The following ACAD9 variants were observed in gnomAD, a reference collection of about 807,000 sequenced individuals.
The protein encoded by ACAD9 is acyl-CoA dehydrogenase family member 9.
Under a neutral mutation model 70.2 loss-of-function variants are expected in ACAD9, and 53 were observed. The ratio of observed to expected loss-of-function variants is 0.75; its 90% CI spans 0.61 to 0.95. ACAD9 has a LOEUF of 0.95. Among genes scored for constraint, ACAD9 ranks in the 40% least tolerant of loss-of-function variants. ACAD9 has a pLI of 0.00. For missense variants in ACAD9, 777 were observed against 802.8 expected, an observed-to-expected ratio of 0.97 and a Z score of 0.39; for synonymous variants, 313 against 312.1, an observed-to-expected ratio of 1.00 and a Z score of -0.03.
intron 8 of ACAD9, among the ~76,000 whole-genome samples, chr3:128,901,797 A>C (rs1313962484): frequency 6.6e-6 from 1 of 152,230 alleles, no homozygotes; most frequent in Non-Finnish European, 1.5e-5. Flanking sequence ...TATATTCACT[A>C]TGTTGTTCAA....
At chr3:128,906,694 G>A (rs1043900468) in intron 12 of ACAD9, among the ~76,000 whole-genome samples, 4 of 152,156 alleles carry the variant, frequency 2.6e-5, no homozygotes, top group Non-Finnish European at 5.9e-5. Context: ...AATAGAGCGC[G>A]CCAGGCCCAG....
Position 128,910,071 on chromosome 3 carries a change from C to G in ACAD9, c.1614C>G (p.Ile538Met), listed in dbSNP as rs202183844. The change falls in exon 16 of 18, where the codon ATC (isoleucine) becomes ATG (methionine). Residue 538 changes from isoleucine to methionine, a missense_variant. Transcript: ENST00000308982. ...TGAAGCGGGTGGCCAACATCCTCAT[C>G]AACCTGTATGGCATGACGGCCGTGC... ...LVLKRVANILINLYGMTAVLS... is the reference protein window; with the variant it reads ...LVLKRVANILMNLYGMTAVLS... The G allele has an allele frequency of 6.2e-7, 1 of 1,614,056 alleles. No homozygotes were observed. The highest frequency in any genetic ancestry group is 2.2e-5 in the East Asian group (1 of 44,884).
chr3:128,899,188 G>C, intron 6 of ACAD9, 99 bp from the exon 7 acceptor site: 1 of 1,306,266 alleles, frequency 7.7e-7, no homozygotes, highest in Admixed American at 1.7e-5. Context: ...TGTCTGGCCT[G>C]AGGTCTGACT....
At chr3:128,908,877 G>T in intron 13 of ACAD9, 96 bp from the exon 14 acceptor site, 1 of 1,593,892 alleles carries the variant, frequency 6.3e-7, no homozygotes, top group Non-Finnish European at 8.6e-7. Context: ...AGGCCAGAGG[G>T]GGGCACGGAG....
At chr3:128,909,917 A>G (rs1391694311) in intron 15 of ACAD9, 104 bp from the exon 16 acceptor site, 1 of 1,515,804 alleles carries the variant, frequency 6.6e-7, no homozygotes, top group African/African-American at 1.4e-5. Flanking sequence ...CACTTTCTCA[A>G]GGAACACAGG....
chr3:128,909,962 G>T, intron 15 of ACAD9, 59 bp from the exon 16 acceptor site: 1 of 1,601,258 alleles, frequency 6.2e-7, no homozygotes, highest in South Asian at 1.1e-5. Context: ...CCCAGGGAGG[G>T]ACCATGTGGG....
intron 2 of ACAD9, among the ~76,000 whole-genome samples, chr3:128,888,284 T>C (rs1462654904): frequency 6.6e-6 from 1 of 152,106 alleles, no homozygotes; most frequent in Non-Finnish European, 1.5e-5. Flanking sequence ...AAGTAACATC[T>C]TAAGTAGTTT....
Position 128,904,469 on chromosome 3 carries a change from C to T in ACAD9, c.1113C>T (p.Gly371=). 1 of 1,614,204 alleles carries T rather than the reference C, an allele frequency of 6.2e-7. No homozygotes were observed. The highest frequency in any genetic ancestry group is 8.5e-7 in the Non-Finnish European group (1 of 1,180,040). The part of the protein sequence containing the change: ...YLTAGMLDQP[G]FPDCSIEAAM... ...CAGCAGGGATGCTGGACCAACCTGGCTTTCCCGACTGCTCCATCGAGGCAG... is the reference window on the plus strand; with the variant it reads ...CAGCAGGGATGCTGGACCAACCTGGTTTTCCCGACTGCTCCATCGAGGCAG... The change falls in exon 11 of 18, where the codon GGC becomes GGT. Residue 371 remains glycine (G), a synonymous_variant. Coordinates refer to ENST00000308982, the MANE Select transcript of ACAD9 (RefSeq NM_014049.5).
At chr3:128,888,673 G>C (rs540177883) in intron 2 of ACAD9, among the ~76,000 whole-genome samples, 1 of 151,728 alleles carries the variant, frequency 6.6e-6, no homozygotes, top group South Asian at 2.1e-4. Context: ...ATTGTCAGCT[G>C]TCATTACATT....
At chr3:128,884,820 A>C (rs1935201124) in intron 2 of ACAD9, 74 bp downstream of exon 2, 1 of 1,165,920 alleles carries the variant, frequency 8.6e-7, no homozygotes, top group African/African-American at 1.5e-5. Flanking sequence ...ATTAGAAGTG[A>C]CATACATAGG....
intron 7 of ACAD9, among the ~76,000 whole-genome samples, chr3:128,900,363 G>A (rs1038588672): frequency 3.3e-5 from 5 of 151,982 alleles, no homozygotes; most frequent in African/African-American, 7.3e-5. Flanking sequence ...TCAGCCTCCC[G>A]AATAGCTGGG....
At position 128,912,564 on chromosome 3, in the gene ACAD9, A is replaced by G; in HGVS notation, c.1823A>G (p.Lys608Arg). 1 of 1,614,190 alleles carries G rather than the reference A, an allele frequency of 6.2e-7. No individual in the cohort carries two copies. Among genetic ancestry groups the G allele is most frequent in the South Asian group, 1.1e-5 (1 of 91,080 alleles). Reference sequence around the variant, plus strand: ...AAAGTGTCCCAGCAGATCCTTGAGAAGCGAGCCTATATCTGTGCCCACCCT... The same window carrying G: ...AAAGTGTCCCAGCAGATCCTTGAGAGGCGAGCCTATATCTGTGCCCACCCT... Reference protein sequence around the residue: ...IKKVSQQILEKRAYICAHPLD... With the variant: ...IKKVSQQILERRAYICAHPLD... The change falls in exon 18 of 18, where the codon AAG becomes AGG. Residue 608 changes from lysine to arginine, a missense_variant. By Grantham distance (26) the Lys-to-Arg change is conservative. Transcript: ENST00000308982.
At position 128,904,514 on chromosome 3, in the gene ACAD9, G is replaced by A; in HGVS notation, c.1149+9G>A. On this transcript the variant is annotated intron_variant, in intron 11 of 17. Transcript: ENST00000308982. Reference sequence around the variant, plus strand: ...AGGCAGCCATGGTGAAGGTAACCCTGGCATAGCCAGAGAGCTGGCGCTGGA... The same window carrying A: ...AGGCAGCCATGGTGAAGGTAACCCTAGCATAGCCAGAGAGCTGGCGCTGGA... 6.2e-7 allele frequency: 1 copy of A among 1,613,314 alleles called. No homozygotes were observed.
chr3:128,882,368 C>G (rs1935120342), intron 1 of ACAD9, among the ~76,000 whole-genome samples: 1 of 152,222 alleles, frequency 6.6e-6, no homozygotes, highest in Non-Finnish European at 1.5e-5. Flanking sequence ...CCTGGAGTCA[C>G]CTTGTACTCT....
chr3:128,893,752 A>G (rs1425788489), intron 3 of ACAD9, 96 bp downstream of exon 3: 2 of 1,052,790 alleles, frequency 1.9e-6, no homozygotes, highest in East Asian at 4.9e-5. Context: ...AGATGACACC[A>G]TCCGTGGTGG....
At chr3:128,899,140 C>T (rs1935655977) in intron 6 of ACAD9, 147 bp from the exon 7 acceptor site, 4 of 762,710 alleles carry the variant, frequency 5.2e-6, no homozygotes, top group Non-Finnish European at 8.7e-6. Flanking sequence ...TCTATTCACT[C>T]ATGCTTGGTT....
intron 2 of ACAD9, among the ~76,000 whole-genome samples, chr3:128,888,346 A>G (rs2107644538): frequency 6.6e-6 from 1 of 152,320 alleles, no homozygotes; most frequent in African/African-American, 2.4e-5. Flanking sequence ...TGGGAGGCCG[A>G]CGTGGGTGGA....
intron 7 of ACAD9, 57 bp downstream of exon 7, chr3:128,899,518 TTGAC>T (rs376934016): frequency 4.1e-6 from 6 of 1,461,572 alleles, no homozygotes; most frequent in African/African-American, 3.2e-5. Flanking sequence ...AGACTGGCCT[TTGAC>T]GGTGTGTGTG....
chr3:128,888,803 CT>C (rs150895592), intron 2 of ACAD9, among the ~76,000 whole-genome samples: 2,984 of 151,394 alleles, frequency 0.02, 42 homozygotes, highest in Non-Finnish European at 0.028. Context: ...CTTATTTCTG[CT>C]TTTTTTCCTA....
Sources: gnomAD v4.1 joint callset for allele counts (sites outside exome capture counted in the v4.1 genomes callset) on GRCh38, gnomAD v4.1.1 for gene constraint, MANE v1.5 for transcripts, NCBI Gene and HGNC (gene_info 2026-07-23, HGNC 2026-07-21) for gene names.